The following FGF12 variants were observed in gnomAD, a reference collection of about 807,000 sequenced individuals.
FGF12 encodes the protein fibroblast growth factor 12, also known as fibroblast growth factor 12B.
In FGF12, 14 loss-of-function variants were observed where a neutral mutation model predicts 23.6. That is an observed-to-expected ratio of 0.59 (90% CI 0.39 to 0.93). The LOEUF is 0.93. FGF12 is among the 40% of genes least tolerant of loss of function. FGF12 has a pLI of 0.00. For missense variants in FGF12, 175 were observed against 217.8 expected, an observed-to-expected ratio of 0.80 and a Z score of 1.24; for synonymous variants, 62 against 77.3, an observed-to-expected ratio of 0.80 and a Z score of 1.04.
At chr3:192,554,119 T>C (rs1218832930) in intron 2 of FGF12, among the ~76,000 whole-genome samples, 2 of 152,226 alleles carry the variant, frequency 1.3e-5, no homozygotes, top group African/African-American at 4.8e-5. Context: ...CCTCGAATAC[T>C]CTATGTACTT....
intron 4 of FGF12, among the ~76,000 whole-genome samples, chr3:192,210,798 A>T (rs1717890718): frequency 6.6e-6 from 1 of 152,232 alleles, no homozygotes; most frequent in African/African-American, 2.4e-5. Flanking sequence ...TGCTATTAGA[A>T]TATAAATGGG....
intron 2 of FGF12, among the ~76,000 whole-genome samples, chr3:192,427,715 A>T (rs1475098308): frequency 6.6e-6 from 1 of 152,164 alleles, no homozygotes; most frequent in Non-Finnish European, 1.5e-5. Flanking sequence ...AGATACTGAG[A>T]GGCTCTTGAA....
chr3:192,608,525 G>A (rs1714430947), intron 2 of FGF12, among the ~76,000 whole-genome samples: 1 of 152,012 alleles, frequency 6.6e-6, no homozygotes, highest in Non-Finnish European at 1.5e-5. Context: ...AGCACATGCA[G>A]ACCCTCCCTT....
intron 2 of FGF12, among the ~76,000 whole-genome samples, chr3:192,556,771 G>A (rs1235029910): frequency 1.3e-5 from 2 of 152,074 alleles, no homozygotes; most frequent in Non-Finnish European, 2.9e-5. Flanking sequence ...GGTCGCAAAA[G>A]GAGTTTTAAC....
At chr3:192,517,789 T>G (rs1724707764) in intron 2 of FGF12, among the ~76,000 whole-genome samples, 1 of 152,216 alleles carries the variant, frequency 6.6e-6, no homozygotes, top group African/African-American at 2.4e-5. Context: ...TTTTTTATTT[T>G]TTAAAAAAGG....
intron 4 of FGF12, 112 bp from the exon 5 acceptor site, chr3:192,170,768 A>G: frequency 1.1e-6 from 1 of 885,994 alleles, no homozygotes; most frequent in East Asian, 2.5e-5. Flanking sequence ...GAACAAATGA[A>G]AGGCAATGAC....
intron 2 of FGF12, among the ~76,000 whole-genome samples, chr3:192,459,456 A>G (rs560364771): frequency 9.2e-5 from 14 of 152,354 alleles, no homozygotes; most frequent in Non-Finnish European, 1.8e-4. Flanking sequence ...ATGATGCTAC[A>G]TTCAAAATGA....
intron 2 of FGF12, among the ~76,000 whole-genome samples, chr3:192,665,115 T>A (rs1056069994): frequency 1.3e-5 from 2 of 152,198 alleles, no homozygotes; most frequent in Non-Finnish European, 2.9e-5. Flanking sequence ...ATTGAGCTTT[T>A]TATTGAAATA....
intron 2 of FGF12, among the ~76,000 whole-genome samples, chr3:192,678,508 A>T (rs1717406974): frequency 1.3e-5 from 2 of 152,158 alleles, no homozygotes; most frequent in Non-Finnish European, 2.9e-5. Flanking sequence ...TCATGTCCTT[A>T]TGCTCTAACC....
chr3:192,251,724 A>G (rs1177456329), intron 4 of FGF12, among the ~76,000 whole-genome samples: 1 of 151,920 alleles, frequency 6.6e-6, no homozygotes, highest in South Asian at 2.1e-4. Context: ...GTTGCATGAG[A>G]AAAAAAAGCC....
intron 2 of FGF12, among the ~76,000 whole-genome samples, chr3:192,512,741 C>T (rs1401472946): frequency 3.3e-5 from 5 of 149,752 alleles, no homozygotes; most frequent in Non-Finnish European, 7.4e-5. Context: ...TACCATTTTA[C>T]AAGAATTCCT....
chr3:192,218,103 GA>G (rs1301734193), intron 4 of FGF12, among the ~76,000 whole-genome samples: 1 of 152,146 alleles, frequency 6.6e-6, no homozygotes. Flanking sequence ...AAAATGCTGG[GA>G]TTACAAGCGT....
intron 2 of FGF12, among the ~76,000 whole-genome samples, chr3:192,375,632 T>C (rs1195743872): frequency 6.6e-6 from 1 of 152,086 alleles, no homozygotes; most frequent in Admixed American, 6.5e-5. Context: ...TACAAACATG[T>C]TTACCATCTT....
At chr3:192,629,361 T>C (rs1715301462) in intron 2 of FGF12, among the ~76,000 whole-genome samples, 2 of 152,182 alleles carry the variant, frequency 1.3e-5, no homozygotes, top group East Asian at 3.8e-4. Flanking sequence ...ACTGATCCTA[T>C]ATTTATTTAT....
intron 4 of FGF12, among the ~76,000 whole-genome samples, chr3:192,189,120 T>C (rs1716645602): frequency 6.6e-6 from 1 of 152,230 alleles, no homozygotes; most frequent in East Asian, 1.9e-4. Context: ...AGCCGCAGCT[T>C]GTAGGCTTCC....
intron 4 of FGF12, among the ~76,000 whole-genome samples, chr3:192,295,491 T>C (rs1714982033): frequency 6.6e-6 from 1 of 152,210 alleles, no homozygotes; most frequent in Non-Finnish European, 1.5e-5. Context: ...AATAATGTGT[T>C]ATATTTAAGA....
At chr3:192,683,282 C>T (rs1448903807) in intron 2 of FGF12, among the ~76,000 whole-genome samples, 10 of 152,192 alleles carry the variant, frequency 6.6e-5, no homozygotes, top group African/African-American at 2.2e-4. Context: ...TAACTCTGAG[C>T]GGTTAGTGTC....
chr3:192,668,111 G>T (rs1214507845), intron 2 of FGF12, among the ~76,000 whole-genome samples: 3 of 151,676 alleles, frequency 2.0e-5, no homozygotes, highest in African/African-American at 7.3e-5. Context: ...TACTAAAATG[G>T]ATAAATGGGT....
At chr3:192,559,260 G>T (rs1224994751) in intron 2 of FGF12, among the ~76,000 whole-genome samples, 3 of 151,880 alleles carry the variant, frequency 2.0e-5, no homozygotes, top group African/African-American at 7.2e-5. Context: ...AAAACCAACA[G>T]ATAACCCACT....
Sources: allele counts gnomAD v4.1 joint callset (sites outside exome capture counted in the v4.1 genomes callset), GRCh38; gene constraint gnomAD v4.1.1; transcripts MANE v1.5; gene names NCBI Gene and HGNC (gene_info 2026-07-23, HGNC 2026-07-21).